Variants in VPS72 observed in about 807,000 individuals in gnomAD.
VPS72 encodes vacuolar protein sorting-associated protein 72 homolog.
A neutral mutation model predicts 38.9 loss-of-function variants in VPS72; 27 were observed. The observed-to-expected ratio is 0.69, with a 90% CI of 0.51 to 0.96. The LOEUF (loss-of-function observed/expected upper bound fraction) is 0.96, where lower values mean the gene tolerates loss of function less well. Among genes scored for constraint, VPS72 ranks in the 40% least tolerant of loss-of-function variants. The pLI is 0.00. For missense variants in VPS72, 360 were observed against 479.5 expected, an observed-to-expected ratio of 0.75 and a Z score of 2.33; for synonymous variants, 173 against 186.3, an observed-to-expected ratio of 0.93 and a Z score of 0.58.
intron 1 of VPS72, among the ~76,000 whole-genome samples, chr1:151,189,724 G>GC (rs1218121024): frequency 6.6e-6 from 1 of 152,084 alleles, no homozygotes; most frequent in African/African-American, 2.4e-5. Context: ...ATGCAACCAC[G>GC]CAAGTATACG....
intron 4 of VPS72, among the ~76,000 whole-genome samples, chr1:151,180,728 G>A (rs745977972): frequency 3.9e-5 from 6 of 152,098 alleles, no homozygotes; most frequent in Non-Finnish European, 7.4e-5. Context: ...GAGCCACCAC[G>A]CCTGGCCCAA....
Position 151,190,153 on chromosome 1 carries a change from G to A in VPS72, c.-32C>T, listed in dbSNP as rs202112579. 1.6e-3 allele frequency: 2,565 copies of A among 1,608,280 alleles called. 52 individuals carry two copies. The highest frequency in any genetic ancestry group is 8.3e-5 in the Non-Finnish European group (98 of 1,178,684). On this transcript the variant is annotated 5_prime_UTR_variant, in exon 1 of 6. Transcript: ENST00000368892. ...TACCGAGACTGCGCCGCCACCTGCA[G>A]CCCCTCACCAGCTCGGTTTTGGGAG...
chr1:151,180,839 A>G (rs1474983822), intron 4 of VPS72, among the ~76,000 whole-genome samples: 1 of 152,112 alleles, frequency 6.6e-6, no homozygotes, highest in African/African-American at 2.4e-5. Flanking sequence ...CATTCCTTCC[A>G]TGACTTGCCT....
chr1:151,176,518 GA>G lies in VPS72; in HGVS notation c.*125del, dbSNP rs1039472034. On this transcript the variant is annotated 3_prime_UTR_variant, in exon 6 of 6. Transcript: ENST00000368892. ...ACAACGAAACCTGTAAGAACTAGGG[GA>G]AAAGGAAAAAGAAACAGATTAGGCA... The G allele has an allele frequency of 3.0e-5, 43 of 1,437,100 alleles. No homozygotes were observed. The Admixed American group carries it at 8.7e-4, about 29-fold the overall frequency. The allele number at this position is 1,437,100 out of a possible 1,614,324, so 89.0% of individuals were successfully genotyped here. A position where few individuals can be genotyped will look rare whatever the true frequency, so the allele number is the denominator to read the frequency against.
chr1:151,180,538 A>C (rs587617056), intron 4 of VPS72, among the ~76,000 whole-genome samples: 56 of 151,928 alleles, frequency 3.7e-4, no homozygotes, highest in Non-Finnish European at 2.9e-4. Flanking sequence ...CCCAGGTTCA[A>C]GCAATTCTCC....
chr1:151,189,881 C>G (rs1684427436), intron 1 of VPS72, 124 bp downstream of exon 1: 5 of 1,157,888 alleles, frequency 4.3e-6, no homozygotes, highest in East Asian at 2.4e-5. Flanking sequence ...TTCACCCACC[C>G]AACTCGAGTA....
At chr1:151,181,114 G>A (rs769873112) in intron 4 of VPS72, among the ~76,000 whole-genome samples, 26 of 152,050 alleles carry the variant, frequency 1.7e-4, no homozygotes, top group Non-Finnish European at 3.1e-4. Flanking sequence ...TCCACTCTTC[G>A]TCTCTACCCC....
At chr1:151,184,836 C>T (rs1021102003) in intron 3 of VPS72, among the ~76,000 whole-genome samples, 5 of 152,122 alleles carry the variant, frequency 3.3e-5, no homozygotes, top group African/African-American at 4.8e-5. Flanking sequence ...CTGCCTGCCT[C>T]GGCCTCCCAA....
In VPS72 at chr1:151,187,352, T is replaced by G. The variant is rs143277787; in HGVS notation, c.118-1402A>C. 5.7e-4 allele frequency among the ~76,000 whole-genome samples: 87 copies of G among 152,296 alleles called. 1 individual carries two copies. The highest frequency in any genetic ancestry group is 1.9e-3 in the African/African-American group (79 of 41,566). On this transcript the variant is annotated intron_variant, in intron 1 of 5. Coordinates refer to ENST00000368892, the MANE Select transcript of VPS72 (RefSeq NM_005997.3). ...TGCCAAAGCAAGCAAATAACACAGA[T>G]GGCTGACACTCCAAGCCAGCCAGAG...
intron 4 of VPS72, among the ~76,000 whole-genome samples, chr1:151,182,325 G>A (rs1401582484): frequency 6.6e-6 from 1 of 151,980 alleles, no homozygotes; most frequent in Non-Finnish European, 1.5e-5. Context: ...CACGGCGCCC[G>A]GCCACCACAC....
chr1:151,185,680 T>A, intron 2 of VPS72, 60 bp from the exon 3 acceptor site: 6 of 1,609,070 alleles, frequency 3.7e-6, no homozygotes, highest in Non-Finnish European at 4.3e-6. Flanking sequence ...AATATGAGGA[T>A]CTCAATGAGA....
Position 151,176,630 on chromosome 1 carries a change from G to A in VPS72, c.*14C>T. On this transcript the variant is annotated 3_prime_UTR_variant, in exon 6 of 6. Coordinates refer to ENST00000368892, the MANE Select transcript of VPS72 (RefSeq NM_005997.3). ...TCAGGGCAGGAAAGAAGTTTCTGAG[G>A]ACTAGACATCTCTTCATTTAATGAC... The A allele has an allele frequency of 6.2e-7, 1 of 1,611,428 alleles. No homozygotes were observed. Among genetic ancestry groups the A allele is most frequent in the Non-Finnish European group, 8.5e-7 (1 of 1,179,042 alleles).
chr1:151,179,223 A>C (rs587607188), intron 4 of VPS72, among the ~76,000 whole-genome samples: 10 of 152,160 alleles, frequency 6.6e-5, no homozygotes, highest in African/African-American at 2.4e-4. Flanking sequence ...CAGAGGTTGA[A>C]GTGAGATTGC....
At chr1:151,186,041 G>A in intron 1 of VPS72, 91 bp from the exon 2 acceptor site, 1 of 1,489,078 alleles carries the variant, frequency 6.7e-7, no homozygotes, top group South Asian at 1.3e-5. Flanking sequence ...CTTGATAAGG[G>A]CTGCCCTACT....
chr1:151,189,403 T>C lies in VPS72; in HGVS notation c.117+602A>G, dbSNP rs76027362. Among the ~76,000 whole-genome samples, 61 of 152,306 alleles carry C rather than the reference T, an allele frequency of 4.0e-4. No homozygotes were observed. In the East Asian group the frequency reaches 0.012, roughly 29 times the overall value. On this transcript the variant is annotated intron_variant, in intron 1 of 5. Transcript: ENST00000368892. ...CAGACCATCTCTAACTTTATACAGT[T>C]TACAATGCAATAGAAAAGCATAAGC...
intron 1 of VPS72, 48 bp downstream of exon 1, chr1:151,189,957 G>A (rs1349935533): frequency 2.5e-6 from 4 of 1,599,894 alleles, no homozygotes; most frequent in African/African-American, 2.7e-5. Flanking sequence ...CTCCCTTCAG[G>A]GCTCCTCTTT....
chr1:151,176,504 TG>T lies in VPS72; in HGVS notation c.*139del. On this transcript the variant is annotated 3_prime_UTR_variant, in exon 6 of 6. Transcript: ENST00000368892. ...TTAGATTAAAAAACACAACGAAACC[TG>T]TAAGAACTAGGGGAAAAGGAAAAAG... 7.3e-7 allele frequency: 1 copy of T among 1,367,820 alleles called. No individual in the cohort carries two copies. 84.7% of individuals were successfully genotyped at this position (1,367,820 alleles called of 1,614,324 possible). A position where few individuals can be genotyped will look rare whatever the true frequency, so the allele number is the denominator to read the frequency against.
chr1:151,187,637 C>A (rs1347923596), intron 1 of VPS72, among the ~76,000 whole-genome samples: 24 of 152,112 alleles, frequency 1.6e-4, no homozygotes, highest in Admixed American at 1.5e-3. Flanking sequence ...TCTATGAAAA[C>A]CATTACTTTT....
At chr1:151,177,102 T>G in intron 5 of VPS72, 71 bp from the exon 6 acceptor site, 1 of 1,448,954 alleles carries the variant, frequency 6.9e-7, no homozygotes, top group Non-Finnish European at 9.1e-7. Flanking sequence ...AAGAAGGAAA[T>G]CAGGCTGGGT....
Sources: allele counts gnomAD v4.1 joint callset (sites outside exome capture counted in the v4.1 genomes callset), GRCh38; gene constraint gnomAD v4.1.1; transcripts MANE v1.5; gene names NCBI Gene and HGNC (gene_info 2026-07-23, HGNC 2026-07-21).